The following PSMD1 variants were observed in gnomAD, a reference collection of about 807,000 sequenced individuals.
PSMD1 encodes the protein 26S proteasome non-ATPase regulatory subunit 1.
In PSMD1, 18 loss-of-function variants were observed where a neutral mutation model predicts 119.0. The observed-to-expected ratio is 0.15, with a 90% CI of 0.10 to 0.22. The LOEUF is 0.22. Among genes scored for constraint, PSMD1 ranks in the 10% least tolerant of loss-of-function variants. The pLI is 1.00. For missense variants in PSMD1, 702 were observed against 1,158.5 expected (o/e 0.61, Z 5.72); for synonymous variants, 374 against 396.6 (o/e 0.94, Z 0.68).
chr2:231,070,924 C>G (rs1694027288), intron 6 of PSMD1, among the ~76,000 whole-genome samples: 1 of 152,022 alleles, frequency 6.6e-6, no homozygotes, highest in African/African-American at 2.4e-5. Context: ...TTTTAATCCT[C>G]TAGACTTTGA....
chr2:231,113,877 G>C (rs757281938), intron 16 of PSMD1: 1 of 1,614,018 alleles, frequency 6.2e-7, no homozygotes, highest in Admixed American at 1.7e-5. Context: ...AAAAGAGAAC[G>C]TCAAGAAATA....
intron 16 of PSMD1, among the ~76,000 whole-genome samples, chr2:231,097,519 A>G (rs1694755194): frequency 6.6e-6 from 1 of 152,102 alleles, no homozygotes; most frequent in African/African-American, 2.4e-5. Flanking sequence ...AGGCTATCTT[A>G]TTTTCCCAAG....
intron 6 of PSMD1, among the ~76,000 whole-genome samples, chr2:231,071,782 G>T (rs1694046414): frequency 6.6e-6 from 1 of 152,118 alleles, no homozygotes; most frequent in Non-Finnish European, 1.5e-5. Context: ...AATGTCTCTT[G>T]TCCTGGCCCA....
chr2:231,099,928 G>T (rs1574727890), intron 16 of PSMD1, among the ~76,000 whole-genome samples: 1 of 152,236 alleles, frequency 6.6e-6, no homozygotes, highest in East Asian at 1.9e-4. Context: ...TCCTTCCTTG[G>T]TCTGTGCACA....
At position 231,082,909 on chromosome 2, in the gene PSMD1, C is replaced by A. The variant is rs1256015599; in HGVS notation, c.1440C>A (p.Gly480=). Residue 480 remains glycine, a synonymous_variant, in exon 13 of 25, where the codon GGC becomes GGA. Coordinates refer to ENST00000308696, the MANE Select transcript of PSMD1 (RefSeq NM_002807.4). ...TCGTTAGACACGGTGGCAGTCTGGG[C>A]CTTGGTTTGGCAGCCATGGGAACTG... is the stretch of plus-strand genomic sequence containing the variant. The part of the protein sequence containing the change: ...NDIVRHGGSL[G]LGLAAMGTAR... 1.2e-6 allele frequency: 2 copies of A among 1,613,876 alleles called. No individual in the cohort carries two copies. Among genetic ancestry groups the A allele is most frequent in the African/African-American group, 2.7e-5 (2 of 74,906 alleles).
At chr2:231,099,147 T>C (rs1057292035) in intron 16 of PSMD1, among the ~76,000 whole-genome samples, 1 of 152,264 alleles carries the variant, frequency 6.6e-6, no homozygotes, top group Non-Finnish European at 1.5e-5. Flanking sequence ...TTGGGGACAC[T>C]GAACGGGGTT....
chr2:231,165,393 A>T, intron 22 of PSMD1, 107 bp downstream of exon 22: 1 of 1,283,930 alleles, frequency 7.8e-7, no homozygotes, highest in South Asian at 1.9e-5. Flanking sequence ...GCTTCCTTCA[A>T]ACAATTATCC....
At chr2:231,100,300 A>T (rs1694832121) in intron 16 of PSMD1, among the ~76,000 whole-genome samples, 1 of 152,228 alleles carries the variant, frequency 6.6e-6, no homozygotes, top group Non-Finnish European at 1.5e-5. Flanking sequence ...ACACACTTGG[A>T]CAAGGGAGGG....
At chr2:231,146,464 G>A in intron 18 of PSMD1, 108 bp downstream of exon 18, 1 of 777,494 alleles carries the variant, frequency 1.3e-6, no homozygotes, top group Non-Finnish European at 2.2e-6. Context: ...AACACTGAAA[G>A]TAAAGTAAAA....
intron 16 of PSMD1, among the ~76,000 whole-genome samples, chr2:231,096,215 G>T (rs892564791): frequency 2.0e-5 from 3 of 152,196 alleles, no homozygotes; most frequent in African/African-American, 7.2e-5. Context: ...CCCTTCTAAT[G>T]CTGCTTGCCT....
chr2:231,118,716 G>A lies in PSMD1; in HGVS notation c.1884-20020G>A, dbSNP rs1042106656. Reference sequence around the variant, plus strand: ...ACCTTTGGGCAGCTTTTTAGTTTGGGAAGTCAGGTTACACTATTTGTCCGG... The same window carrying A: ...ACCTTTGGGCAGCTTTTTAGTTTGGAAAGTCAGGTTACACTATTTGTCCGG... On this transcript the variant is annotated intron_variant, in intron 16 of 24. Transcript: ENST00000308696. 3.3e-5 allele frequency among the ~76,000 whole-genome samples: 5 copies of A among 152,222 alleles called. No homozygotes were observed. The East Asian group carries it at 5.8e-4, about 18-fold the overall frequency.
chr2:231,113,320 CT>C (rs924861751), intron 16 of PSMD1, among the ~76,000 whole-genome samples: 2 of 152,000 alleles, frequency 1.3e-5, no homozygotes, highest in African/African-American at 4.8e-5. Flanking sequence ...TGTTTTTTCT[CT>C]TATTAATCTT....
chr2:231,152,561 C>T (rs1696397272), intron 18 of PSMD1, among the ~76,000 whole-genome samples: 1 of 152,056 alleles, frequency 6.6e-6, no homozygotes, highest in African/African-American at 2.4e-5. Flanking sequence ...GCTTATAAGC[C>T]AGGGTTGTGT....
In PSMD1 at chr2:231,163,376, A is replaced by G. The variant is rs369009282; in HGVS notation, c.2389-259A>G. ...CACCATGAATAGGACTTACCCATTG[A>G]AGCAGGTTGGTTTGTTCATAAAGAT... On this transcript the variant is annotated intron_variant, in intron 20 of 24. Coordinates refer to ENST00000308696, the MANE Select transcript of PSMD1 (RefSeq NM_002807.4). 117 of 364,222 alleles carry G rather than the reference A, an allele frequency of 3.2e-4. No individual in the cohort carries two copies. The East Asian group carries it at 4.4e-3, about 14-fold the overall frequency. 22.6% of individuals were successfully genotyped at this position (364,222 alleles called of 1,614,324 possible). A position where few individuals can be genotyped will look rare whatever the true frequency, so the allele number is the denominator to read the frequency against.
rs139897245 is a variant in PSMD1, at chr2:231,059,046, G to A, written c.16+2005G>A. 1.7e-3 allele frequency among the ~76,000 whole-genome samples: 252 copies of A among 152,206 alleles called. 1 individual carries two copies. The highest frequency in any genetic ancestry group is 5.6e-3 in the African/African-American group (232 of 41,536). On this transcript the variant is annotated intron_variant, in intron 1 of 24. Transcript: ENST00000308696. ...GAGCATGGCAGAAATTCAAAAGTATGTCTTGACTGAAGAGCTCAGTCAGCC... is the reference window on the plus strand; with the variant it reads ...GAGCATGGCAGAAATTCAAAAGTATATCTTGACTGAAGAGCTCAGTCAGCC...
chr2:231,144,024 A>G (rs189747000), intron 17 of PSMD1, among the ~76,000 whole-genome samples: 117 of 152,276 alleles, frequency 7.7e-4, no homozygotes, highest in African/African-American at 2.8e-3. Context: ...TAACTTTTAA[A>G]ATTAGGTCTT....
intron 16 of PSMD1, among the ~76,000 whole-genome samples, chr2:231,092,423 G>A (rs1694618479): frequency 6.6e-6 from 1 of 152,172 alleles, no homozygotes; most frequent in South Asian, 2.1e-4. Flanking sequence ...ACTGATCTGT[G>A]TGATTATGAA....
At chr2:231,087,032 C>G (rs953830846) in intron 15 of PSMD1, 85 bp from the exon 16 acceptor site, 13 of 1,075,210 alleles carry the variant, frequency 1.2e-5, no homozygotes, top group Middle Eastern at 2.1e-4. Context: ...TATACACTCA[C>G]TGTTGAATGA....
chr2:231,164,712 A>G lies in PSMD1; in HGVS notation c.2482-488A>G, dbSNP rs186727367. Among the ~76,000 whole-genome samples, 395 of 152,164 alleles carry G rather than the reference A, an allele frequency of 2.6e-3. 1 individual carries two copies. Among genetic ancestry groups the G allele is most frequent in the African/African-American group, 9.1e-3 (378 of 41,526 alleles). On this transcript the variant is annotated intron_variant, in intron 21 of 24. Transcript: ENST00000308696. Reference sequence around the variant, plus strand: ...AGCAAGACCCATGAAGGAGAATAATATAGGCTAACCACTCACCCACTGTGT... The same window carrying G: ...AGCAAGACCCATGAAGGAGAATAATGTAGGCTAACCACTCACCCACTGTGT...
Sources: allele counts gnomAD v4.1 joint callset (sites outside exome capture counted in the v4.1 genomes callset), GRCh38; gene constraint gnomAD v4.1.1; transcripts MANE v1.5; gene names NCBI Gene and HGNC (gene_info 2026-07-23, HGNC 2026-07-21).